Variants in CACNA1E observed in about 807,000 individuals in gnomAD.
The protein encoded by CACNA1E is voltage-dependent R-type calcium channel subunit alpha-1E.
A neutral mutation model predicts 259.2 loss-of-function variants in CACNA1E; 40 were observed. The observed-to-expected ratio is 0.15, with a 90% confidence interval of 0.12 to 0.20. The LOEUF (loss-of-function observed/expected upper bound fraction) is 0.20, where lower values mean the gene tolerates loss of function less well. CACNA1E is among the 10% of genes least tolerant of loss of function. The probability of loss-of-function intolerance (pLI) is 1.00; values close to 1 mark genes in which losing one functional copy is unlikely to be tolerated. For missense variants in CACNA1E, 1,874 were observed against 3,040.1 expected, an observed-to-expected ratio of 0.62 and a Z score of 9.02; for synonymous variants, 1,104 against 1,138.5, an observed-to-expected ratio of 0.97 and a Z score of 0.61.
chr1:181,519,871 G>C (rs1666864336), intron 3 of CACNA1E, among the ~76,000 whole-genome samples: 1 of 152,168 alleles, frequency 6.6e-6, no homozygotes, highest in South Asian at 2.1e-4. Context: ...TGAATGACCT[G>C]GCGGCTCTGG....
At chr1:181,704,929 G>A (rs1652647654) in intron 7 of CACNA1E, among the ~76,000 whole-genome samples, 1 of 152,112 alleles carries the variant, frequency 6.6e-6, no homozygotes. Flanking sequence ...CAGTCCAGGT[G>A]CCCTGTGACT....
At chr1:181,718,240 C>T (rs1186514788) in intron 12 of CACNA1E, 73 bp downstream of exon 12, 1 of 731,422 alleles carries the variant, frequency 1.4e-6, no homozygotes, top group African/African-American at 1.7e-5. Context: ...GCAGCTTGCT[C>T]CTTACTCAGC....
In CACNA1E at chr1:181,733,003, A is replaced by T; in HGVS notation, c.2917A>T (p.Ile973Phe). The T allele has an allele frequency of 6.2e-7, 1 of 1,610,646 alleles. No homozygotes were observed. Among genetic ancestry groups the T allele is most frequent in the Non-Finnish European group, 8.5e-7 (1 of 1,178,348 alleles). ...CAACCATGGTGCCAAGGAGCCAACG[A>T]TCCAAGAAGAGAGAGCCCAGGATTT... ...RGNHGAKEPT[I>F]QEERAQDLRR... Residue 973 changes from isoleucine (I) to phenylalanine (F), a missense_variant, in exon 20 of 48, where the codon ATC becomes TTC. Coordinates refer to ENST00000367573, the MANE Select transcript of CACNA1E (RefSeq NM_001205293.3).
chr1:181,520,493 A>G (rs139185013), intron 3 of CACNA1E, among the ~76,000 whole-genome samples: 52 of 152,364 alleles, frequency 3.4e-4, no homozygotes, highest in African/African-American at 1.2e-3. Context: ...TCAAAATACT[A>G]TGGTTCTGTA....
intron 25 of CACNA1E, among the ~76,000 whole-genome samples, chr1:181,742,827 A>G (rs1300847171): frequency 6.6e-6 from 1 of 152,240 alleles, no homozygotes; most frequent in Non-Finnish European, 1.5e-5. Context: ...TGTTCTCCAC[A>G]GCTGCATACA....
At chr1:181,727,478 GGCCAGGTT>G in intron 18 of CACNA1E, among the ~76,000 whole-genome samples, 1 of 152,338 alleles carries the variant, frequency 6.6e-6, no homozygotes, top group East Asian at 1.9e-4. Context: ...CCATTTTCGT[GGCCAGGTT>G]GGAACAGAAC....
At chr1:181,551,045 G>C (rs998269) in intron 3 of CACNA1E, among the ~76,000 whole-genome samples, 1 of 152,290 alleles carries the variant, frequency 6.6e-6, no homozygotes, top group Non-Finnish European at 1.5e-5. Context: ...GAAGAAACGG[G>C]ACATTTAGGT....
At chr1:181,372,281 G>T (rs1412877165) in intron 1 of CACNA1E, among the ~76,000 whole-genome samples, 1 of 152,068 alleles carries the variant, frequency 6.6e-6, no homozygotes, top group African/African-American at 2.4e-5. Context: ...TTTCAGCAGT[G>T]TTGTGTAGTT....
chr1:181,697,169 A>G (rs897804146), intron 7 of CACNA1E, among the ~76,000 whole-genome samples: 2 of 152,216 alleles, frequency 1.3e-5, no homozygotes, highest in Non-Finnish European at 2.9e-5. Flanking sequence ...AAAGCAGGGG[A>G]GGAAACACAC....
intron 2 of CACNA1E, among the ~76,000 whole-genome samples, chr1:181,456,989 C>T (rs1661502613): frequency 6.6e-6 from 1 of 152,200 alleles, no homozygotes; most frequent in Non-Finnish European, 1.5e-5. Context: ...GTCAAGGGGT[C>T]TTGTGCTCAC....
intron 1 of CACNA1E, among the ~76,000 whole-genome samples, chr1:181,348,451 C>T (rs559830304): frequency 1.3e-5 from 2 of 152,096 alleles, no homozygotes; most frequent in Non-Finnish European, 2.9e-5. Context: ...GAGGAGCTGA[C>T]TTAGAGGGTC....
intron 7 of CACNA1E, among the ~76,000 whole-genome samples, chr1:181,707,716 T>G (rs1652929533): frequency 6.6e-6 from 1 of 152,168 alleles, no homozygotes; most frequent in Non-Finnish European, 1.5e-5. Context: ...GATGGAGTAC[T>G]CCTCCTTTTA....
At chr1:181,620,458 A>G (rs895472226) in intron 6 of CACNA1E, among the ~76,000 whole-genome samples, 1 of 152,182 alleles carries the variant, frequency 6.6e-6, no homozygotes, top group Non-Finnish European at 1.5e-5. Flanking sequence ...TTTTCTTGTG[A>G]TACATTCACC....
chr1:181,657,488 T>G (rs1056687191), intron 7 of CACNA1E, among the ~76,000 whole-genome samples: 9 of 152,114 alleles, frequency 5.9e-5, no homozygotes, highest in African/African-American at 2.2e-4. Flanking sequence ...TTAGGAGAGG[T>G]AAAGCAGAGG....
At chr1:181,541,381 A>G (rs965740875) in intron 3 of CACNA1E, among the ~76,000 whole-genome samples, 3 of 152,124 alleles carry the variant, frequency 2.0e-5, no homozygotes, top group Non-Finnish European at 4.4e-5. Flanking sequence ...ATTTTCAAGG[A>G]ATAGGATTTC....
At chr1:181,633,678 G>C (rs1366089488) in intron 6 of CACNA1E, among the ~76,000 whole-genome samples, 7 of 148,638 alleles carry the variant, frequency 4.7e-5, no homozygotes, top group African/African-American at 1.8e-4. Flanking sequence ...TTTTGGTAGA[G>C]ACAGGGTTTC....
At chr1:181,327,430 G>A (rs927351626) in intron 1 of CACNA1E, among the ~76,000 whole-genome samples, 1 of 152,186 alleles carries the variant, frequency 6.6e-6, no homozygotes. Flanking sequence ...GTGTTGCCAT[G>A]AAGCTGAAGT....
chr1:181,438,434 T>G (rs1302215731), intron 2 of CACNA1E, among the ~76,000 whole-genome samples: 3 of 152,208 alleles, frequency 2.0e-5, no homozygotes, highest in African/African-American at 2.4e-5. Flanking sequence ...TGGGGAATGG[T>G]GCATTTATGG....
At chr1:181,403,791 G>A (rs887498530) in intron 1 of CACNA1E, among the ~76,000 whole-genome samples, 1 of 152,154 alleles carries the variant, frequency 6.6e-6, no homozygotes, top group African/African-American at 2.4e-5. Context: ...GGCTCATATT[G>A]CTGGTGGTCT....
Sources: gnomAD v4.1 joint callset for allele counts (sites outside exome capture counted in the v4.1 genomes callset) on GRCh38, gnomAD v4.1.1 for gene constraint, MANE v1.5 for transcripts, NCBI Gene and HGNC (gene_info 2026-07-23, HGNC 2026-07-21) for gene names.